BANK1: variants seen among roughly 807,000 people sequenced by gnomAD.
BANK1 encodes the protein B-cell scaffold protein with ankyrin repeats.
A neutral mutation model predicts 94.5 loss-of-function variants in BANK1; 95 were observed. The observed-to-expected ratio is 1.00, with a 90% confidence interval of 0.85 to 1.19. The LOEUF is 1.19. BANK1 is among the 50% of genes most tolerant of loss of function. The pLI is 0.00. For missense variants in BANK1, 987 were observed against 932.2 expected (o/e 1.06, Z -0.77); for synonymous variants, 334 against 308.4 (o/e 1.08, Z -0.87).
intron 5 of BANK1, among the ~76,000 whole-genome samples, chr4:101,871,279 T>C (rs1444089211): frequency 1.3e-5 from 2 of 152,112 alleles, no homozygotes; most frequent in African/African-American, 2.4e-5. Flanking sequence ...AATTGTAACT[T>C]TGCTTATTTG....
At position 101,870,579 on chromosome 4, in the gene BANK1, T is replaced by G; in HGVS notation, c.838T>G (p.Tyr280Asp). 6.2e-7 allele frequency: 1 copy of G among 1,612,938 alleles called. No homozygotes were observed. Among genetic ancestry groups the G allele is most frequent in the Non-Finnish European group, 8.5e-7 (1 of 1,179,248 alleles). Reference sequence around the variant, plus strand: ...TAAAGCTACAACCAAAATTAAGTACTACCCAACAGCAAAGGCAAAGGAATG... The same window carrying G: ...TAAAGCTACAACCAAAATTAAGTACGACCCAACAGCAAAGGCAAAGGAATG... ...IVKATTKIKY[Y>D]PTAKAKECLF... Residue 280 changes from tyrosine (Y) to aspartate (D), a missense_variant, in exon 5 of 17, where the codon TAC becomes GAC. By Grantham distance (160) the Tyr-to-Asp change is radical. Coordinates refer to ENST00000322953, the MANE Select transcript of BANK1 (RefSeq NM_017935.5).
rs1727787453 is a variant in BANK1, at chr4:102,043,914, A to C, written c.1969+7A>C. The C allele has an allele frequency of 9.1e-6, 14 of 1,532,858 alleles. 1 individual carries two copies. The highest frequency in any genetic ancestry group is 3.5e-4 in the Middle Eastern group (2 of 5,764). The allele number at this position is 1,532,858 out of a possible 1,614,324, so 95.0% of individuals were successfully genotyped here. On this transcript the variant is annotated splice_region_variant and intron_variant, in intron 11 of 16. Transcript: ENST00000322953. ...GGTCTTCCTAAGAAACAAGGTACTA[A>C]CACTAACTTCAATCTATTTAGTAAT...
intron 1 of BANK1, among the ~76,000 whole-genome samples, chr4:101,792,026 A>G (rs1725004930): frequency 6.6e-6 from 1 of 152,160 alleles, no homozygotes; most frequent in Admixed American, 6.5e-5. Context: ...ATGTCTTTCA[A>G]ACTTTGAGCA....
chr4:101,921,659 C>G (rs1161278701), intron 7 of BANK1, among the ~76,000 whole-genome samples: 1 of 151,908 alleles, frequency 6.6e-6, no homozygotes, highest in East Asian at 1.9e-4. Context: ...AAAGTACATT[C>G]TCCTCGTTGG....
intron 5 of BANK1, among the ~76,000 whole-genome samples, chr4:101,879,523 A>G (rs1310310382): frequency 1.9e-4 from 29 of 152,128 alleles, no homozygotes; most frequent in Admixed American, 1.8e-3. Flanking sequence ...ATACTTAAAG[A>G]AGGTTGAATA....
intron 13 of BANK1, among the ~76,000 whole-genome samples, chr4:102,065,248 T>C (rs559317073): frequency 1.3e-5 from 2 of 152,272 alleles, no homozygotes; most frequent in Admixed American, 1.3e-4. Flanking sequence ...AGATCTACTC[T>C]AGACATGCCC....
Position 102,063,122 on chromosome 4 carries a change from A to G in BANK1, c.2196A>G (p.Glu732=). The G allele has an allele frequency of 6.2e-7, 1 of 1,613,354 alleles. No individual in the cohort carries two copies. Among genetic ancestry groups the G allele is most frequent in the Non-Finnish European group, 8.5e-7 (1 of 1,179,376 alleles). ...LRDCIIGKRP[E]EENVYNKLTI... Reference sequence around the variant, plus strand: ...ACTGCATTATTGGGAAAAGGCCAGAAGAAGAAAATGTCTATAGTAAGTAAG... The same window carrying G: ...ACTGCATTATTGGGAAAAGGCCAGAGGAAGAAAATGTCTATAGTAAGTAAG... Residue 732 remains glutamate, a synonymous_variant, in exon 13 of 17, where the codon GAA becomes GAG. Transcript: ENST00000322953.
intron 11 of BANK1, among the ~76,000 whole-genome samples, chr4:102,051,710 GT>G (rs1368856503): frequency 6.6e-6 from 1 of 152,156 alleles, no homozygotes; most frequent in African/African-American, 2.4e-5. Context: ...CTACATAAAT[GT>G]TAATTTTTAC....
intron 10 of BANK1, among the ~76,000 whole-genome samples, chr4:102,030,710 A>T (rs970457961): frequency 6.6e-6 from 1 of 151,144 alleles, no homozygotes; most frequent in Non-Finnish European, 1.5e-5. Flanking sequence ...TGTTCTCGTG[A>T]TAGTTTGCTG....
At chr4:102,005,955 T>A (rs527708545) in intron 7 of BANK1, among the ~76,000 whole-genome samples, 13 of 151,914 alleles carry the variant, frequency 8.6e-5, no homozygotes, top group African/African-American at 2.4e-4. Context: ...AAAGAAAAAA[T>A]TTAAGTAAGT....
chr4:101,942,114 G>T (rs1472038256), intron 7 of BANK1, among the ~76,000 whole-genome samples: 2 of 151,812 alleles, frequency 1.3e-5, no homozygotes, highest in Non-Finnish European at 2.9e-5. Flanking sequence ...CAGTCAGCAG[G>T]ACTGAAACAT....
In BANK1 at chr4:102,030,202, G is replaced by A. The variant is rs1362524114; in HGVS notation, c.1837G>A (p.Ala613Thr). 1.2e-6 allele frequency: 2 copies of A among 1,613,550 alleles called. No individual in the cohort carries two copies. Among genetic ancestry groups the A allele is most frequent in the East Asian group, 4.5e-5 (2 of 44,862 alleles). The change falls in exon 10 of 17, where the codon GCC becomes ACC. Residue 613 changes from alanine (A) to threonine (T), a missense_variant. Physicochemically the swap from Ala to Thr is moderately conservative, Grantham distance 58. Transcript: ENST00000322953. ...SRSFIINRPP[A>T]PTPRPTSIPP... ...GTCTTTCATTATAAATAGACCTCCT[G>A]CCCCCACACCCCGACCCACAAGTAT...
intron 7 of BANK1, among the ~76,000 whole-genome samples, chr4:102,019,234 A>G (rs1424805393): frequency 6.6e-6 from 1 of 152,128 alleles, no homozygotes; most frequent in Non-Finnish European, 1.5e-5. Context: ...CTCTTTTTCT[A>G]TTTTCAATTT....
intron 7 of BANK1, among the ~76,000 whole-genome samples, chr4:102,000,335 A>C (rs1726019650): frequency 6.6e-6 from 1 of 151,684 alleles, no homozygotes; most frequent in Non-Finnish European, 1.5e-5. Context: ...AAAAAAAAAA[A>C]AAAAAAAAAA....
At chr4:101,945,265 G>C (rs1234106545) in intron 7 of BANK1, among the ~76,000 whole-genome samples, 1 of 151,830 alleles carries the variant, frequency 6.6e-6, no homozygotes, top group African/African-American at 2.4e-5. Context: ...TACTAGGAAG[G>C]CCATATCTGT....
chr4:102,038,682 A>C (rs767642056), intron 10 of BANK1, among the ~76,000 whole-genome samples: 6 of 152,182 alleles, frequency 3.9e-5, no homozygotes, highest in Non-Finnish European at 8.8e-5. Flanking sequence ...GTCATCACTC[A>C]GAATGGCTCA....
Position 102,030,053 on chromosome 4 carries a change from A to G in BANK1, c.1688A>G (p.Glu563Gly), listed in dbSNP as rs1210718886. The G allele has an allele frequency of 6.2e-7, 1 of 1,613,782 alleles. No individual in the cohort carries two copies. Among genetic ancestry groups the G allele is most frequent in the East Asian group, 2.2e-5 (1 of 44,882 alleles). The change falls in exon 10 of 17, where the codon GAG becomes GGG. Residue 563 changes from glutamate (E) to glycine (G), a missense_variant. Glu to Gly is a moderately conservative substitution (Grantham distance 98, BLOSUM62 -2). Coordinates refer to ENST00000322953, the MANE Select transcript of BANK1 (RefSeq NM_017935.5). ...GGAGATGAACCCAAAGGAGAAAAAG[A>G]GAAGAAAGAAGAGGAAAAAGAGCAG... is the stretch of plus-strand genomic sequence containing the variant. ...ETGDEPKGEK[E>G]KKEEEKEQEE...
intron 7 of BANK1, among the ~76,000 whole-genome samples, chr4:101,922,025 T>TGTGTGTGTGTGTGA (rs1723016469): frequency 6.7e-6 from 1 of 149,790 alleles, no homozygotes; most frequent in African/African-American, 2.5e-5. Flanking sequence ...TGTGTGTGTG[T>TGTGTGTGTGTGTGA]GTGTGTGTGT....
chr4:101,936,360 C>T (rs1388117362), intron 7 of BANK1, among the ~76,000 whole-genome samples: 1 of 149,868 alleles, frequency 6.7e-6, no homozygotes, highest in Non-Finnish European at 1.5e-5. Context: ...TGTATACATA[C>T]ATGCATATAT....
Sources: allele counts gnomAD v4.1 joint callset (sites outside exome capture counted in the v4.1 genomes callset), GRCh38; gene constraint gnomAD v4.1.1; transcripts MANE v1.5; gene names NCBI Gene and HGNC (gene_info 2026-07-23, HGNC 2026-07-21).